Variants in VRK2 observed in about 807,000 individuals in gnomAD.
VRK2 encodes the protein VRK serine/threonine kinase 2.
Under a neutral mutation model 57.6 loss-of-function variants are expected in VRK2, and 60 were observed. The ratio of observed to expected loss-of-function variants is 1.04; its 90% CI spans 0.85 to 1.29. The LOEUF is 1.29. Ranked by LOEUF, VRK2 falls within the 50% of genes most tolerant of loss-of-function variation. The pLI is 0.00. For synonymous variants in VRK2, 231 were observed against 199.2 expected (o/e 1.16, Z -1.35); for missense variants, 705 against 588.1 (o/e 1.20, Z -2.06).
chr2:58,019,834 G>A, intron 1 of VRK2, among the ~76,000 whole-genome samples: 1 of 151,976 alleles, frequency 6.6e-6, no homozygotes, highest in East Asian at 1.9e-4. Flanking sequence ...TAGAACAACT[G>A]GATGAACTAG....
Position 58,048,965 on chromosome 2 carries a change from T to C in VRK2, c.134T>C (p.Leu45Ser). Residue 45 changes from leucine to serine, a missense_variant and splice_region_variant, in exon 2 of 13, where the codon TTA (leucine) becomes TCA (serine). Coordinates refer to ENST00000340157, the MANE Select transcript of VRK2 (RefSeq NM_006296.7). The stretch of plus-strand genomic sequence containing the variant: ...TCTGGAGGATTTGGATTGATATATT[T>C]AGGTAAAGTAAAACCTTAAATTAAC... ...IGSGGFGLIYLAFPTNKPEKD... is the reference protein window; with the variant it reads ...IGSGGFGLIYSAFPTNKPEKD... 1.2e-6 allele frequency: 2 copies of C among 1,610,738 alleles called. No homozygotes were observed. The highest frequency in any genetic ancestry group is 1.7e-6 in the Non-Finnish European group (2 of 1,178,952).
intron 2 of VRK2, among the ~76,000 whole-genome samples, chr2:58,056,879 G>T (rs1425954543): frequency 6.6e-6 from 1 of 152,160 alleles, no homozygotes; most frequent in African/African-American, 2.4e-5. Flanking sequence ...AGCGAGGAGG[G>T]TCTGCTGCTA....
intron 1 of VRK2, among the ~76,000 whole-genome samples, chr2:58,013,728 G>A (rs1006414015): frequency 6.6e-6 from 1 of 151,150 alleles, no homozygotes; most frequent in African/African-American, 2.4e-5. Context: ...GCGCAGTGGC[G>A]GGCGCCTGTA....
intron 1 of VRK2, among the ~76,000 whole-genome samples, chr2:58,010,470 A>T (rs1358239123): frequency 6.6e-6 from 1 of 151,680 alleles, no homozygotes; most frequent in African/African-American, 2.4e-5. Flanking sequence ...TCCCCTACTC[A>T]CCCTTGGCTA....
intron 2 of VRK2, among the ~76,000 whole-genome samples, chr2:58,076,164 G>C (rs953813351): frequency 1.4e-5 from 2 of 145,520 alleles, no homozygotes; most frequent in Admixed American, 1.4e-4. Context: ...GAGAGCTACA[G>C]TTGAGTGTTC....
rs367869193 is a variant in VRK2, at chr2:58,095,226, G to A, written c.543+5503G>A. 1.5e-4 allele frequency among the ~76,000 whole-genome samples: 22 copies of A among 151,098 alleles called. No homozygotes were observed. In the East Asian group the frequency reaches 3.5e-3, roughly 24 times the overall value. On this transcript the variant is annotated intron_variant, in intron 7 of 12. Transcript: ENST00000340157. ...GGAGAATGGCGTGAACCCGGGAGGC[G>A]GAGCTTGCAGTGAGCCAAGATTGCG... is the stretch of plus-strand genomic sequence containing the variant.
intron 1 of VRK2, among the ~76,000 whole-genome samples, chr2:58,047,638 A>G (rs1675043512): frequency 6.6e-6 from 1 of 152,246 alleles, no homozygotes; most frequent in African/African-American, 2.4e-5. Flanking sequence ...GCACCAGCCT[A>G]TATAATGTAC....
intron 2 of VRK2, among the ~76,000 whole-genome samples, chr2:58,057,175 A>T (rs951985835): frequency 6.6e-6 from 1 of 152,124 alleles, no homozygotes; most frequent in African/African-American, 2.4e-5. Flanking sequence ...TTAAAAAATG[A>T]TGTGTTAAAT....
intron 1 of VRK2, among the ~76,000 whole-genome samples, chr2:57,949,764 T>C (rs983416914): frequency 2.0e-5 from 3 of 152,168 alleles, no homozygotes; most frequent in Admixed American, 6.5e-5. Flanking sequence ...AAAGCCCAGA[T>C]AGATTGAAAG....
At chr2:58,095,522 CT>C (rs1182776260) in intron 7 of VRK2, among the ~76,000 whole-genome samples, 3 of 151,796 alleles carry the variant, frequency 2.0e-5, no homozygotes, top group East Asian at 3.9e-4. Flanking sequence ...AATATTATAC[CT>C]TTTTGTTGAT....
intron 12 of VRK2, among the ~76,000 whole-genome samples, chr2:58,148,872 C>G (rs1241604801): frequency 1.3e-5 from 2 of 151,762 alleles, no homozygotes; most frequent in Non-Finnish European, 3.0e-5. Flanking sequence ...CTCCTTACAC[C>G]AACACCACAC....
intron 12 of VRK2, among the ~76,000 whole-genome samples, chr2:58,156,980 G>C (rs1683979517): frequency 6.6e-6 from 1 of 152,098 alleles, no homozygotes; most frequent in South Asian, 2.1e-4. Context: ...AAAGAGTTTT[G>C]AGGTTAGTTC....
chr2:57,975,365 A>G lies in VRK2; in HGVS notation c.-438-50300A>G, dbSNP rs199504035. ...GTGCCAAAAAACAAGGATATACTCT[A>G]TAGACTTTTTATATTAGTTTTCTAT... On this transcript the variant is annotated intron_variant, in intron 1 of 15. Coordinates refer to the VRK2 transcript ENST00000417641. Among the ~76,000 whole-genome samples, 565 of 152,204 alleles carry G rather than the reference A, an allele frequency of 3.7e-3. 6 individuals carry two copies. The highest frequency in any genetic ancestry group is 0.013 in the African/African-American group (542 of 41,548).
intron 8 of VRK2, among the ~76,000 whole-genome samples, chr2:58,127,878 A>T (rs1410307423): frequency 3.3e-5 from 5 of 152,210 alleles, no homozygotes; most frequent in Non-Finnish European, 4.4e-5. Context: ...AAACAGGGAG[A>T]TAAATCTTGG....
intron 2 of VRK2, among the ~76,000 whole-genome samples, chr2:58,064,220 G>T (rs1392586950): frequency 1.3e-5 from 2 of 152,112 alleles, no homozygotes; most frequent in African/African-American, 4.8e-5. Context: ...TGAGAGGATT[G>T]TCTTCAATTT....
intron 1 of VRK2, among the ~76,000 whole-genome samples, chr2:58,001,530 T>C (rs1673087506): frequency 6.6e-6 from 1 of 152,126 alleles, no homozygotes; most frequent in Non-Finnish European, 1.5e-5. Flanking sequence ...TCCTTTAAAA[T>C]ATATGAGTTG....
intron 10 of VRK2, among the ~76,000 whole-genome samples, chr2:58,137,982 C>T (rs1196897960): frequency 6.6e-6 from 1 of 152,052 alleles, no homozygotes; most frequent in East Asian, 1.9e-4. Context: ...CCCCTCCTAC[C>T]TCACTGGTAC....
In VRK2 at chr2:57,956,329, T is replaced by C. The variant is rs139453224; in HGVS notation, c.-439+48490T>C. Among the ~76,000 whole-genome samples the C allele has an allele frequency of 4.6e-5, 7 of 152,258 alleles. No individual in the cohort carries two copies. The East Asian group carries it at 1.4e-3, about 29-fold the overall frequency. On this transcript the variant is annotated intron_variant, in intron 1 of 15. Coordinates refer to the VRK2 transcript ENST00000417641. ...GAGCCCAGAAGTTAGAGGCTGCAGC[T>C]ACCTGTGATCATGAGACTGCATTCC...
At chr2:57,926,116 T>G (rs1188056938) in intron 1 of VRK2, among the ~76,000 whole-genome samples, 1 of 151,992 alleles carries the variant, frequency 6.6e-6, no homozygotes, top group Non-Finnish European at 1.5e-5. Flanking sequence ...TTCTTTTTTT[T>G]ATTTTTTAAG....
Sources: gnomAD v4.1 joint callset for allele counts (sites outside exome capture counted in the v4.1 genomes callset) on GRCh38, gnomAD v4.1.1 for gene constraint, MANE v1.5 for transcripts, NCBI Gene and HGNC (gene_info 2026-07-23, HGNC 2026-07-21) for gene names.